The following LRMDA variants were observed in gnomAD, a reference collection of about 807,000 sequenced individuals.
LRMDA encodes leucine-rich melanocyte differentiation-associated protein.
In LRMDA, 18 loss-of-function variants were observed where a neutral mutation model predicts 29.8. That is an observed-to-expected ratio of 0.60 (90% CI 0.42 to 0.90). The LOEUF is 0.90. LRMDA is among the 40% of genes least tolerant of loss of function. LRMDA has a pLI of 0.00. For synonymous variants in LRMDA, 125 were observed against 109.4 expected (o/e 1.14, Z -0.89); for missense variants, 273 against 273.9 (o/e 1.00, Z 0.02).
chr10:76,377,778 T>C lies in LRMDA; in HGVS notation c.601+53293T>C, dbSNP rs78016233. On this transcript the variant is annotated intron_variant, in intron 6 of 6. Coordinates refer to ENST00000611255, the MANE Select transcript of LRMDA (RefSeq NM_001305581.2). ...CAATATCAGACTGTTTTGGTTTCAATTGTTTTGTAGTATAATTTGAAGTCA... is the reference window on the plus strand; with the variant it reads ...CAATATCAGACTGTTTTGGTTTCAACTGTTTTGTAGTATAATTTGAAGTCA... Among the ~76,000 whole-genome samples, 8 of 152,358 alleles carry C rather than the reference T, an allele frequency of 5.3e-5. No homozygotes were observed. The East Asian group carries it at 1.3e-3, about 26-fold the overall frequency.
At chr10:76,064,154 G>A (rs911656761) in intron 5 of LRMDA, among the ~76,000 whole-genome samples, 13 of 152,194 alleles carry the variant, frequency 8.5e-5, no homozygotes, top group African/African-American at 2.2e-4. Context: ...TAGACTGTGT[G>A]TTAATTGCCA....
In LRMDA at chr10:76,017,727, GC is replaced by G. The variant is rs1412629850; in HGVS notation, c.132-18280del. ...GAAAATGACTTCCTACACTCAGGCAGCTGTGTTGGGGCAGATCTGAAATCTC... is the reference window on the plus strand; with the variant it reads ...GAAAATGACTTCCTACACTCAGGCAGTGTGTTGGGGCAGATCTGAAATCTC... On this transcript the variant is annotated intron_variant, in intron 2 of 6. Transcript: ENST00000611255. Among the ~76,000 whole-genome samples, 13 of 152,318 alleles carry G rather than the reference GC, an allele frequency of 8.5e-5. No homozygotes were observed. The East Asian group carries it at 2.3e-3, about 27-fold the overall frequency.
chr10:76,160,453 T>C (rs1850625058), intron 5 of LRMDA, among the ~76,000 whole-genome samples: 1 of 152,064 alleles, frequency 6.6e-6, no homozygotes, highest in African/African-American at 2.4e-5. Context: ...TTTTTTTTCT[T>C]AGAGGTACCT....
At chr10:75,660,674 G>A (rs1423504134) in intron 2 of LRMDA, among the ~76,000 whole-genome samples, 1 of 151,254 alleles carries the variant, frequency 6.6e-6, no homozygotes, top group Non-Finnish European at 1.5e-5. Context: ...CAAAAACAGA[G>A]AATGAATGAG....
chr10:76,034,843 G>C (rs1052282356), intron 2 of LRMDA, among the ~76,000 whole-genome samples: 1 of 152,058 alleles, frequency 6.6e-6, no homozygotes, highest in Non-Finnish European at 1.5e-5. Context: ...CGTCCACATC[G>C]TAGCTCAGCT....
At chr10:75,754,497 A>T (rs1041609201) in intron 2 of LRMDA, among the ~76,000 whole-genome samples, 3 of 152,226 alleles carry the variant, frequency 2.0e-5, no homozygotes, top group African/African-American at 7.2e-5. Flanking sequence ...AATGTTTTTC[A>T]TCTGAAAAAT....
At chr10:76,060,371 A>T (rs1412472242) in intron 5 of LRMDA, among the ~76,000 whole-genome samples, 1 of 152,182 alleles carries the variant, frequency 6.6e-6, no homozygotes, top group Non-Finnish European at 1.5e-5. Context: ...CACTCAGTGC[A>T]TGCCCACCCC....
chr10:75,524,138 G>A (rs1413672967), intron 2 of LRMDA, among the ~76,000 whole-genome samples: 1 of 152,110 alleles, frequency 6.6e-6, no homozygotes, highest in African/African-American at 2.4e-5. Flanking sequence ...ATTATAGAGG[G>A]GTCTTGGACA....
At chr10:75,478,757 G>C (rs1396087639) in intron 2 of LRMDA, among the ~76,000 whole-genome samples, 1 of 152,124 alleles carries the variant, frequency 6.6e-6, no homozygotes, top group African/African-American at 2.4e-5. Context: ...ATTTTTACAA[G>C]GTATGGAGAT....
chr10:75,811,335 G>A (rs1843956566), intron 2 of LRMDA, among the ~76,000 whole-genome samples: 1 of 152,050 alleles, frequency 6.6e-6, no homozygotes, highest in African/African-American at 2.4e-5. Context: ...TGTGGTCATA[G>A]CAACATCTTG....
intron 2 of LRMDA, among the ~76,000 whole-genome samples, chr10:75,566,067 C>T (rs998303176): frequency 1.3e-5 from 2 of 152,108 alleles, no homozygotes; most frequent in African/African-American, 2.4e-5. Context: ...AGAGTGAGAT[C>T]CTGTAAGGAA....
chr10:76,543,316 CTGTGTGTGTGTGTGTGTG>C (rs71028203), intron 6 of LRMDA, among the ~76,000 whole-genome samples: 44,617 of 144,132 alleles, frequency 0.31, 7,174 homozygotes, highest in African/African-American at 0.35. Flanking sequence ...TGGGGTGTGC[CTGTGTGTGTGTGTGTGTG>C]TGTGTGTGTG....
chr10:75,485,580 G>GTATATA (rs755018921), intron 2 of LRMDA, among the ~76,000 whole-genome samples: 1 of 150,352 alleles, frequency 6.7e-6, no homozygotes, highest in Non-Finnish European at 1.5e-5. Flanking sequence ...GTGTGTGTGT[G>GTATATA]TATATATATA....
chr10:76,013,979 C>T (rs886325826), intron 2 of LRMDA, among the ~76,000 whole-genome samples: 3 of 150,978 alleles, frequency 2.0e-5, no homozygotes, highest in African/African-American at 7.3e-5. Context: ...TCCCAGCTCC[C>T]TTGTCCCTAA....
intron 2 of LRMDA, among the ~76,000 whole-genome samples, chr10:75,589,783 G>T (rs377348613): frequency 0.23 from 29,905 of 130,506 alleles, 3,197 homozygotes; most frequent in African/African-American, 0.28. Flanking sequence ...TATATAGAGA[G>T]AGAGAGAGAG....
intron 2 of LRMDA, among the ~76,000 whole-genome samples, chr10:75,721,210 A>C (rs1447456567): frequency 1.3e-5 from 2 of 152,152 alleles, no homozygotes; most frequent in East Asian, 1.9e-4. Flanking sequence ...GGGAATTGTC[A>C]TCTAGTGCCC....
intron 5 of LRMDA, among the ~76,000 whole-genome samples, chr10:76,066,381 T>G (rs1848785679): frequency 6.6e-6 from 1 of 152,166 alleles, no homozygotes; most frequent in Admixed American, 6.5e-5. Context: ...TTATCTCTAA[T>G]TTTCTCCCTA....
chr10:76,359,577 A>C (rs1333092553), intron 6 of LRMDA, among the ~76,000 whole-genome samples: 1 of 152,200 alleles, frequency 6.6e-6, no homozygotes, highest in Non-Finnish European at 1.5e-5. Flanking sequence ...GAGATGCACT[A>C]AGATGCTTTC....
chr10:75,737,261 C>T (rs1284394534), intron 2 of LRMDA, among the ~76,000 whole-genome samples: 4 of 152,214 alleles, frequency 2.6e-5, no homozygotes, highest in African/African-American at 9.6e-5. Flanking sequence ...TTCTAATCAA[C>T]CAGGATGGCA....
Sources: allele counts gnomAD v4.1 joint callset (sites outside exome capture counted in the v4.1 genomes callset), GRCh38; gene constraint gnomAD v4.1.1; transcripts MANE v1.5; gene names NCBI Gene and HGNC (gene_info 2026-07-23, HGNC 2026-07-21).